The following ABCC11 variants were observed in gnomAD, a reference collection of about 807,000 sequenced individuals.
ABCC11 encodes the protein ATP binding cassette subfamily C member 11.
ABCC11 carries 135 observed loss-of-function variants against 149.3 expected under a neutral mutation model. The ratio of observed to expected loss-of-function variants is 0.90; its 90% confidence interval spans 0.79 to 1.04. ABCC11 has a LOEUF of 1.04. Ranked by LOEUF, ABCC11 falls within the 50% of genes least tolerant of loss-of-function variation. The pLI is 0.00. For missense variants in ABCC11, 1,680 were observed against 1,722.1 expected, an observed-to-expected ratio of 0.98 and a Z score of 0.43; for synonymous variants, 665 against 671.4, an observed-to-expected ratio of 0.99 and a Z score of 0.15.
intron 1 of ABCC11, among the ~76,000 whole-genome samples, chr16:48,245,005 A>G (rs1971277648): frequency 1.3e-5 from 2 of 151,134 alleles, no homozygotes; most frequent in African/African-American, 4.9e-5. Flanking sequence ...TTCGCTTTTC[A>G]CCTTTCTCCC....
At chr16:48,193,773 G>T in intron 19 of ABCC11, 106 bp downstream of exon 19, 2 of 906,970 alleles carry the variant, frequency 2.2e-6, no homozygotes, top group Non-Finnish European at 3.4e-6. Context: ...GGCTTGTCAT[G>T]TGGGTCCCAA....
Position 48,231,803 on chromosome 16 carries a change from A to G in ABCC11, c.99+20T>C. ...GCCAACTCAGTTTCCTGGTGTGCTG[A>G]TGCTAAGAGATCTACTTACATAAAT... On this transcript the variant is annotated intron_variant, in intron 2 of 29. Coordinates refer to ENST00000356608, the MANE Select transcript of ABCC11 (RefSeq NM_001370497.1). 1 of 1,612,266 alleles carries G rather than the reference A, an allele frequency of 6.2e-7. No individual in the cohort carries two copies. The highest frequency in any genetic ancestry group is 8.5e-7 in the Non-Finnish European group (1 of 1,178,710).
rs575646776 is a variant in ABCC11 at position 48,200,537 on chromosome 16, C to G, written c.1879-58G>C. The G allele has an allele frequency of 5.8e-6, 9 of 1,547,156 alleles. No homozygotes were observed. In the South Asian group the frequency reaches 1.1e-4, roughly 18 times the overall value. On this transcript the variant is annotated intron_variant, in intron 14 of 29. Transcript: ENST00000356608. The stretch of plus-strand genomic sequence containing the variant: ...GACAGCAAGCACAGCCAGGTGTGCT[C>G]AAATGGGTAGGCAGATGTAGCAGAC...
chr16:48,187,133 T>G (rs757831739), intron 21 of ABCC11, 43 bp from the exon 22 acceptor site: 1 of 1,613,936 alleles, frequency 6.2e-7, no homozygotes, highest in East Asian at 2.2e-5. Flanking sequence ...CGTCCACCTC[T>G]GGGACCATCT....
At chr16:48,241,763 C>T (rs1343471899) in intron 1 of ABCC11, among the ~76,000 whole-genome samples, 2 of 152,130 alleles carry the variant, frequency 1.3e-5, no homozygotes, top group African/African-American at 4.8e-5. Context: ...CATCTGATCT[C>T]TGACAAACCT....
At chr16:48,215,068 AG>A in intron 8 of ABCC11, 39 bp from the exon 9 acceptor site, 1 of 1,609,334 alleles carries the variant, frequency 6.2e-7, no homozygotes, top group Non-Finnish European at 8.5e-7. Context: ...GATAACCACA[AG>A]AACATTCTCC....
At chr16:48,197,328 A>G (rs1967521395) in intron 17 of ABCC11, among the ~76,000 whole-genome samples, 1 of 152,210 alleles carries the variant, frequency 6.6e-6, no homozygotes, top group African/African-American at 2.4e-5. Context: ...GTCTAAAAAA[A>G]AAAGACTCAG....
At chr16:48,209,074 T>C (rs1968689652) in intron 11 of ABCC11, among the ~76,000 whole-genome samples, 1 of 152,124 alleles carries the variant, frequency 6.6e-6, no homozygotes, top group Non-Finnish European at 1.5e-5. Context: ...TGAAGTTGAC[T>C]CTTATGACAG....
At chr16:48,243,993 G>GAATAAATAAATAATA (rs1402488234) in intron 1 of ABCC11, among the ~76,000 whole-genome samples, 3 of 150,970 alleles carry the variant, frequency 2.0e-5, no homozygotes, top group African/African-American at 7.3e-5. Context: ...ATCTGTCTCA[G>GAATAAATAAATAATA]AATAAATAAA....
chr16:48,213,618 G>T, intron 9 of ABCC11, 68 bp from the exon 10 acceptor site: 3 of 1,196,446 alleles, frequency 2.5e-6, no homozygotes, highest in African/African-American at 1.5e-5. Flanking sequence ...CCTGTCACCC[G>T]CATCCCTGAG....
At chr16:48,184,953 G>A (rs1186318509) in intron 22 of ABCC11, among the ~76,000 whole-genome samples, 3 of 152,264 alleles carry the variant, frequency 2.0e-5, no homozygotes, top group Non-Finnish European at 2.9e-5. Flanking sequence ...GCCAGGACGT[G>A]TGAGTGAGTG....
intron 4 of ABCC11, among the ~76,000 whole-genome samples, chr16:48,226,688 C>A (rs1206220421): frequency 6.6e-6 from 1 of 152,182 alleles, no homozygotes; most frequent in Admixed American, 6.5e-5. Context: ...AAAGTATTTC[C>A]TGGAACCATT....
chr16:48,180,679 C>T (rs1316354346), intron 23 of ABCC11, among the ~76,000 whole-genome samples: 3 of 152,168 alleles, frequency 2.0e-5, no homozygotes, highest in Non-Finnish European at 4.4e-5. Context: ...GAGGTTCTGG[C>T]TTGACTGGAG....
chr16:48,177,439 G>T (rs978473117), intron 24 of ABCC11, among the ~76,000 whole-genome samples: 2 of 152,172 alleles, frequency 1.3e-5, no homozygotes, highest in Admixed American at 1.3e-4. Context: ...TCCCCCCTTC[G>T]GGGGGGTTCA....
At chr16:48,210,319 A>G (rs1210852984) in intron 11 of ABCC11, 1 of 152,242 alleles carries the variant, frequency 6.6e-6, no homozygotes, top group Non-Finnish European at 1.5e-5. Context: ...GCTAGAGATG[A>G]TCACCAAGGA....
At chr16:48,246,299 TGA>T in intron 1 of ABCC11, among the ~76,000 whole-genome samples, 1 of 152,224 alleles carries the variant, frequency 6.6e-6, no homozygotes, top group South Asian at 2.1e-4. Flanking sequence ...CAGTACTCTT[TGA>T]TAAATTGTAT....
intron 21 of ABCC11, 21 bp from the exon 22 acceptor site, chr16:48,187,111 A>AG: frequency 6.2e-7 from 1 of 1,614,154 alleles, no homozygotes; most frequent in African/African-American, 1.3e-5. Context: ...AGTGGAGGTA[A>AG]GGGACCTGGA....
intron 1 of ABCC11, among the ~76,000 whole-genome samples, chr16:48,236,025 C>T (rs1405924553): frequency 6.6e-6 from 1 of 152,182 alleles, no homozygotes; most frequent in Non-Finnish European, 1.5e-5. Context: ...GTGTCCAGGG[C>T]AAGGAGCCAG....
In ABCC11 at chr16:48,187,210, A is replaced by G; in HGVS notation, c.2924T>C (p.Ile975Thr). ...MGAIIMVICF[I>T]YYMMFKKAIG... ...AAAAGAACCTACTCACATATAATAA[A>G]TGAAGCAAATAACCATGATTATGGC... Residue 975 changes from isoleucine (I) to threonine (T), a missense_variant, in exon 21 of 30, where the codon ATT becomes ACT. Transcript: ENST00000356608. The G allele has an allele frequency of 6.2e-7, 1 of 1,614,086 alleles. No homozygotes were observed.
Sources: gnomAD v4.1 joint callset for allele counts (sites outside exome capture counted in the v4.1 genomes callset) on GRCh38, gnomAD v4.1.1 for gene constraint, MANE v1.5 for transcripts, NCBI Gene and HGNC (gene_info 2026-07-23, HGNC 2026-07-21) for gene names.